The following BOP1 variants were observed in gnomAD, a reference collection of about 807,000 sequenced individuals.
BOP1 encodes the protein ribosome biogenesis protein BOP1.
BOP1 carries 54 observed loss-of-function variants against 82.9 expected under a neutral mutation model. The observed-to-expected ratio is 0.65, with a 90% confidence interval of 0.52 to 0.82. BOP1 has a LOEUF of 0.82. BOP1 is among the 40% of genes least tolerant of loss of function. BOP1 has a pLI of 0.00. For missense variants in BOP1, 1,170 were observed against 1,072.0 expected (o/e 1.09, Z -1.28); for synonymous variants, 566 against 451.1 (o/e 1.25, Z -3.23).
chr8:144,286,526 G>A (rs879969375), intron 2 of BOP1, among the ~76,000 whole-genome samples: 11 of 129,192 alleles, frequency 8.5e-5, no homozygotes, highest in African/African-American at 3.4e-4. Flanking sequence ...CAGGTGCATG[G>A]GCGCCACGGC....
intron 2 of BOP1, among the ~76,000 whole-genome samples, chr8:144,280,626 G>C (rs1483666116): frequency 6.6e-6 from 1 of 152,260 alleles, no homozygotes; most frequent in Non-Finnish European, 1.5e-5. Context: ...ACCGAGGCAG[G>C]CGGATCAGTT....
rs1421864742 is a variant in BOP1, at chr8:144,283,216, A to T, written c.309+5879T>A. 1.7e-4 allele frequency among the ~76,000 whole-genome samples: 26 copies of T among 149,986 alleles called. 1 individual carries two copies. In the East Asian group the frequency reaches 1.9e-3, roughly 11 times the overall value. ...AACTCCATCTCAAAAAAAAAAAAAA[A>T]AAAAAAAAAGAAAGGCTCCATGGTT... On this transcript the variant is annotated intron_variant, in intron 2 of 15. Transcript: ENST00000569669.
chr8:144,266,617 T>C (rs1433991535), intron 3 of BOP1: 4 of 1,206,112 alleles, frequency 3.3e-6, no homozygotes, highest in Non-Finnish European at 4.2e-6. Flanking sequence ...CGGCCCCATG[T>C]CCTTCGCCAC....
Position 144,264,605 on chromosome 8 carries a change from G to T in BOP1, c.675C>A (p.Asp225Glu), listed in dbSNP as rs1424568274. The T allele has an allele frequency of 1.8e-5, 29 of 1,600,382 alleles. No individual in the cohort carries two copies. In the African/African-American group the frequency reaches 3.3e-4, roughly 18 times the overall value. The change falls in exon 6 of 16, where the codon GAC (aspartate) becomes GAA (glutamate). Residue 225 changes from aspartate (D) to glutamate (E), a missense_variant. By Grantham distance (45) the Asp-to-Glu change is conservative. Transcript: ENST00000569669. ...GGATCATGACGTCCCCGCTGAAGAAGTCGACAGCCGGCTGGGGGAGAAGAT... is the reference window on the plus strand; with the variant it reads ...GGATCATGACGTCCCCGCTGAAGAATTCGACAGCCGGCTGGGGGAGAAGAT... Reference protein sequence around the residue: ...VGFNPYEPAVDFFSGDVMIHP... With the variant: ...VGFNPYEPAVEFFSGDVMIHP...
intron 2 of BOP1, among the ~76,000 whole-genome samples, chr8:144,276,923 C>T (rs1845575545): frequency 6.6e-6 from 1 of 152,232 alleles, no homozygotes; most frequent in African/African-American, 2.4e-5. Flanking sequence ...CTCCCACCCA[C>T]CACGTCCACA....
intron 2 of BOP1, among the ~76,000 whole-genome samples, chr8:144,284,655 A>G (rs1468905297): frequency 6.6e-6 from 1 of 152,212 alleles, no homozygotes; most frequent in African/African-American, 2.4e-5. Flanking sequence ...CAGCAACAGG[A>G]GCCAGGAGGG....
At chr8:144,262,772 C>CCACCCCCCCCCCTCACCTGCAGGG (rs1845243926) in intron 13 of BOP1, 81 bp downstream of exon 13, 1 of 1,377,488 alleles carries the variant, frequency 7.3e-7, no homozygotes, top group Non-Finnish European at 9.7e-7. Flanking sequence ...TGCACTGCCC[C>CCACCCCCCCCCCTCACCTGCAGGG]TACCCCCACC....
chr8:144,285,836 C>T (rs1465758458), intron 2 of BOP1, among the ~76,000 whole-genome samples: 11 of 152,224 alleles, frequency 7.2e-5, no homozygotes, highest in African/African-American at 2.2e-4. Flanking sequence ...ACCCACGATG[C>T]GAGTGGGAGG....
chr8:144,273,671 G>A (rs1314796896), intron 3 of BOP1, among the ~76,000 whole-genome samples: 3 of 152,124 alleles, frequency 2.0e-5, no homozygotes, highest in African/African-American at 4.8e-5. Flanking sequence ...CCTCCACCCC[G>A]GCCCACCTCC....
rs978106017 is a variant in BOP1, at chr8:144,291,208, C to A, written c.99+64G>T. On this transcript the variant is annotated intron_variant, in intron 1 of 15. Coordinates refer to ENST00000569669, the MANE Select transcript of BOP1 (RefSeq NM_015201.5). The surrounding 1 kb of genome is among the most constrained non-coding windows in gnomAD (Gnocchi z 4.1). ...CAGAAGCCGGGCCCACCCGCCCCAG[C>A]GCGGCCACGTGCCCGCCGGGCCCTC... 7.5e-7 allele frequency: 1 copy of A among 1,327,900 alleles called. No homozygotes were observed. Among genetic ancestry groups the A allele is most frequent in the South Asian group, 1.7e-5 (1 of 59,818 alleles). The allele number at this position is 1,327,900 out of a possible 1,614,324, so 82.3% of individuals were successfully genotyped here. A position where few individuals can be genotyped will look rare whatever the true frequency, so the allele number is the denominator to read the frequency against.
chr8:144,272,324 T>A (rs1845504674), intron 3 of BOP1, among the ~76,000 whole-genome samples: 2 of 152,068 alleles, frequency 1.3e-5, no homozygotes, highest in South Asian at 4.1e-4. Flanking sequence ...TTCTGGAGAC[T>A]TTTCCCCCAG....
intron 3 of BOP1, among the ~76,000 whole-genome samples, chr8:144,271,551 G>T: frequency 6.6e-6 from 1 of 152,282 alleles, no homozygotes. Context: ...CTTCCTGTGC[G>T]ACGTGAGGCC....
chr8:144,271,851 G>T (rs1046815128), intron 3 of BOP1, among the ~76,000 whole-genome samples: 2 of 152,154 alleles, frequency 1.3e-5, no homozygotes, highest in African/African-American at 4.8e-5. Flanking sequence ...CCTTCTAGAG[G>T]CTGGGCACAC....
At chr8:144,287,452 C>G (rs781943772) in intron 2 of BOP1, among the ~76,000 whole-genome samples, 4 of 152,178 alleles carry the variant, frequency 2.6e-5, no homozygotes, top group Non-Finnish European at 4.4e-5. Context: ...GAGCTTCCAC[C>G]CTACTGAATG....
At position 144,289,297 on chromosome 8, in the gene BOP1, A is replaced by G. The variant is rs1564605026; in HGVS notation, c.107T>C (p.Leu36Pro). The G allele has an allele frequency of 6.2e-7, 1 of 1,613,558 alleles. No homozygotes were observed. Among genetic ancestry groups the G allele is most frequent in the Non-Finnish European group, 8.5e-7 (1 of 1,179,900 alleles). ...GTGGCTGAGAGGAGAGGTGCAGAGG[A>G]GGGGGGGCTGCAAGGAAACACTGGG... ...LEPEPEPEPPLLCTSPLSHST... is the reference protein window; with the variant it reads ...LEPEPEPEPPPLCTSPLSHST... Residue 36 changes from leucine (L) to proline (P), a missense_variant, in exon 2 of 16, where the codon CTC (leucine) becomes CCC (proline). Physicochemically the swap from Leu to Pro is moderately conservative, Grantham distance 98. Transcript: ENST00000569669.
At chr8:144,274,422 T>C (rs1466091444) in intron 3 of BOP1, among the ~76,000 whole-genome samples, 4 of 152,178 alleles carry the variant, frequency 2.6e-5, no homozygotes, top group Non-Finnish European at 4.4e-5. Context: ...CCCAAGCCTC[T>C]TTCCTGCCCA....
At chr8:144,288,973 G>T (rs1316641168) in intron 2 of BOP1, 122 bp downstream of exon 2, 3 of 1,063,848 alleles carry the variant, frequency 2.8e-6, no homozygotes, top group Non-Finnish European at 4.2e-6. Flanking sequence ...TGCAGTGAAG[G>T]AGGGACGCCG....
rs542680942 is a variant in BOP1, at chr8:144,289,068, C to T, written c.309+27G>A. On this transcript the variant is annotated intron_variant, in intron 2 of 15. Coordinates refer to ENST00000569669, the MANE Select transcript of BOP1 (RefSeq NM_015201.5). Reference sequence around the variant, plus strand: ...AGGCCACCTGCACATGGGGGACAGCCCTCGAGGGGGCTCCTCGCTCACCCA... The same window carrying T: ...AGGCCACCTGCACATGGGGGACAGCTCTCGAGGGGGCTCCTCGCTCACCCA... 2.4e-4 allele frequency: 388 copies of T among 1,613,008 alleles called. 6 individuals carry two copies. In the South Asian group the frequency reaches 3.7e-3, roughly 15 times the overall value.
chr8:144,288,525 C>T (rs1554839719), intron 2 of BOP1, among the ~76,000 whole-genome samples: 1 of 151,902 alleles, frequency 6.6e-6, no homozygotes, highest in African/African-American at 2.4e-5. Context: ...GAGACTCTGT[C>T]TCAAAAAAAT....
Sources: gnomAD v4.1 joint callset for allele counts (sites outside exome capture counted in the v4.1 genomes callset) on GRCh38, gnomAD v4.1.1 for gene constraint, Gnocchi (gnomAD v3.1) non-coding constraint, MANE v1.5 for transcripts, NCBI Gene and HGNC (gene_info 2026-07-23, HGNC 2026-07-21) for gene names.